Variants in POLA1 observed in about 807,000 individuals in gnomAD.
The protein encoded by POLA1 is DNA polymerase alpha 1, catalytic subunit, also known as DNA polymerase alpha catalytic subunit.
POLA1 carries 15 observed loss-of-function variants against 124.0 expected under a neutral mutation model. That is an observed-to-expected ratio of 0.12 (90% CI 0.08 to 0.19). The LOEUF (loss-of-function observed/expected upper bound fraction) is 0.19. Among genes scored for constraint, POLA1 ranks in the 10% least tolerant of loss-of-function variants. The probability of loss-of-function intolerance (pLI) is 1.00; values close to 1 mark genes in which losing one functional copy is unlikely to be tolerated. For synonymous variants in POLA1, 408 were observed against 389.4 expected, an observed-to-expected ratio of 1.05 and a Z score of -0.56; for missense variants, 886 against 1,103.4, an observed-to-expected ratio of 0.80 and a Z score of 2.79.
chrX:24,966,891 G>C (rs1203797824), intron 36 of POLA1, among the ~76,000 whole-genome samples: 1 of 112,508 alleles, frequency 8.9e-6, no homozygotes, highest in Non-Finnish European at 1.9e-5. Flanking sequence ...TTTTGGAAAT[G>C]ATAGGGAATG....
At chrX:24,759,559 T>G (rs1028588501) in intron 26 of POLA1, among the ~76,000 whole-genome samples, 1 of 112,428 alleles carries the variant, frequency 8.9e-6, no homozygotes, top group Non-Finnish European at 1.9e-5. Flanking sequence ...ATTTTGAATT[T>G]ATAAGAATGG....
chrX:24,858,370 A>G (rs924312375), intron 34 of POLA1, among the ~76,000 whole-genome samples: 2 of 111,954 alleles, frequency 1.8e-5, no homozygotes, highest in African/African-American at 6.5e-5. Flanking sequence ...CTGATCCAGT[A>G]TGCTGAGGAA....
At chrX:24,830,175 A>G (rs2147033806) in intron 32 of POLA1, among the ~76,000 whole-genome samples, 1 of 111,982 alleles carries the variant, frequency 8.9e-6, no homozygotes, top group Admixed American at 9.5e-5. Flanking sequence ...GAGCAAGTAT[A>G]TTTTTCAACT....
chrX:24,988,916 A>G lies in POLA1; in HGVS notation c.4262-6889A>G, dbSNP rs140905501. Among the ~76,000 whole-genome samples, 223 of 111,635 alleles carry G rather than the reference A, an allele frequency of 2.0e-3. 2 individuals are homozygous for G. In the East Asian group the frequency reaches 0.044, roughly 22 times the overall value. On this transcript the variant is annotated intron_variant, in intron 36 of 36. Transcript: ENST00000379068. ...AGGAGGCGGAGGTTGCAGTGAGCCAAGATCCCACCACTGCACTCCAGCCTG... is the reference window on the plus strand; with the variant it reads ...AGGAGGCGGAGGTTGCAGTGAGCCAGGATCCCACCACTGCACTCCAGCCTG...
chrX:24,911,439 G>T (rs769666730), intron 35 of POLA1, among the ~76,000 whole-genome samples: 1 of 111,231 alleles, frequency 9.0e-6, no homozygotes, highest in Non-Finnish European at 1.9e-5. Flanking sequence ...CCTGAACAAA[G>T]TAGGATGATG....
intron 36 of POLA1, among the ~76,000 whole-genome samples, chrX:24,979,749 A>AGCT (rs1313228814): frequency 4.4e-5 from 5 of 112,510 alleles, no homozygotes; most frequent in African/African-American, 1.6e-4. Flanking sequence ...ATCAAGGGAC[A>AGCT]GCTGCTGCCA....
intron 24 of POLA1, among the ~76,000 whole-genome samples, chrX:24,747,733 T>C (rs1286111628): frequency 3.5e-5 from 3 of 84,909 alleles, no homozygotes; most frequent in South Asian, 1.1e-3. Flanking sequence ...AATGTATCCC[T>C]TTTTTTTTTT....
At chrX:24,709,060 G>T (rs1219017735) in intron 4 of POLA1, among the ~76,000 whole-genome samples, 2 of 89,068 alleles carry the variant, frequency 2.2e-5, no homozygotes, top group East Asian at 8.2e-4. Flanking sequence ...CTGGCCGGGC[G>T]GGGGGCTGAC....
intron 26 of POLA1, among the ~76,000 whole-genome samples, chrX:24,782,013 G>T (rs759074828): frequency 4.5e-5 from 5 of 111,593 alleles, no homozygotes; most frequent in Non-Finnish European, 7.5e-5. Context: ...GGCACAGGAG[G>T]TTCAGTGGTG....
At chrX:24,709,084 TC>T (rs1459246513) in intron 4 of POLA1, among the ~76,000 whole-genome samples, 1 of 83,536 alleles carries the variant, frequency 1.2e-5, no homozygotes, top group Non-Finnish European at 2.5e-5. Context: ...CCCACCTCCC[TC>T]CCGGACGGGG....
At chrX:24,854,401 C>T (rs1187736005) in intron 34 of POLA1, among the ~76,000 whole-genome samples, 1 of 111,955 alleles carries the variant, frequency 8.9e-6, no homozygotes, top group African/African-American at 3.2e-5. Flanking sequence ...TTTTACCCAT[C>T]ATTGACTTTG....
chrX:24,939,224 G>A (rs1899318287), intron 36 of POLA1, among the ~76,000 whole-genome samples: 1 of 111,568 alleles, frequency 9.0e-6, no homozygotes, highest in African/African-American at 3.3e-5. Context: ...TTTTTTAGTA[G>A]GAAAAATACT....
intron 12 of POLA1, 89 bp from the exon 13 acceptor site, chrX:24,725,892 G>A (rs1223664359): frequency 1.9e-5 from 11 of 578,426 alleles, no homozygotes; most frequent in Non-Finnish European, 3.1e-5. Context: ...AAGGATTCTT[G>A]ATGATTAAAT....
intron 36 of POLA1, among the ~76,000 whole-genome samples, chrX:24,980,496 G>A: frequency 8.9e-6 from 1 of 112,148 alleles, no homozygotes; most frequent in East Asian, 2.8e-4. Flanking sequence ...CCTTCTTTGT[G>A]TAATGTGCAG....
intron 26 of POLA1, among the ~76,000 whole-genome samples, chrX:24,794,151 A>AT (rs1192552958): frequency 1.9e-5 from 2 of 106,448 alleles, no homozygotes; most frequent in African/African-American, 6.9e-5. Flanking sequence ...TAATTTTTGT[A>AT]TTTTTTTAGT....
chrX:24,763,382 C>G (rs1290581641), intron 26 of POLA1, among the ~76,000 whole-genome samples: 1 of 111,236 alleles, frequency 9.0e-6, no homozygotes, highest in Non-Finnish European at 1.9e-5. Context: ...ATGAAGAGCA[C>G]TGGAAGATGA....
At chrX:24,845,652 T>C (rs2046466987) in intron 34 of POLA1, among the ~76,000 whole-genome samples, 1 of 111,828 alleles carries the variant, frequency 8.9e-6, no homozygotes, top group Non-Finnish European at 1.9e-5. Context: ...TAGTTCAGTG[T>C]GATATATCAT....
chrX:24,895,953 G>A (rs1199567585), intron 35 of POLA1, among the ~76,000 whole-genome samples: 1 of 111,871 alleles, frequency 8.9e-6, no homozygotes, highest in Non-Finnish European at 1.9e-5. Flanking sequence ...CTTCTAATGG[G>A]CCTGTAGTCT....
chrX:24,727,201 C>T (rs2148363305), intron 14 of POLA1, 130 bp downstream of exon 14: 1 of 558,274 alleles, frequency 1.8e-6, no homozygotes, highest in South Asian at 3.3e-5. Flanking sequence ...CTTCAGTTTT[C>T]GTTGAGTGAG....
Sources: gnomAD v4.1 joint callset for allele counts (sites outside exome capture counted in the v4.1 genomes callset) on GRCh38, gnomAD v4.1.1 for gene constraint, MANE v1.5 for transcripts, NCBI Gene and HGNC (gene_info 2026-07-23, HGNC 2026-07-21) for gene names.